RIMS2: variants seen among roughly 807,000 people sequenced by gnomAD.
The protein encoded by RIMS2 is regulating synaptic membrane exocytosis 2.
A neutral mutation model predicts 174.4 loss-of-function variants in RIMS2; 59 were observed. The observed-to-expected ratio is 0.34, with a 90% CI of 0.27 to 0.42. The LOEUF is 0.42. RIMS2 is among the 10% of genes least tolerant of loss of function. RIMS2 has a pLI of 1.00. For synonymous variants in RIMS2, 606 were observed against 572.5 expected (o/e 1.06, Z -0.84); for missense variants, 1,620 against 1,666.3 (o/e 0.97, Z 0.48).
At chr8:104,116,795 AC>A (rs1480217715) in intron 19 of RIMS2, among the ~76,000 whole-genome samples, 2 of 152,180 alleles carry the variant, frequency 1.3e-5, no homozygotes, top group African/African-American at 2.4e-5. Flanking sequence ...CTTTAAAAAA[AC>A]ATATTTCTTT....
chr8:103,768,652 A>G (rs766806144), intron 3 of RIMS2: 14 of 847,258 alleles, frequency 1.7e-5, no homozygotes, highest in Non-Finnish European at 2.9e-5. Context: ...TCCAGGATTG[A>G]CTGATACTAC....
chr8:104,049,208 G>T (rs1262192512), intron 19 of RIMS2, among the ~76,000 whole-genome samples: 1 of 151,324 alleles, frequency 6.6e-6, no homozygotes, highest in Admixed American at 6.6e-5. Context: ...GGATCACGAG[G>T]TCAGGAGATC....
chr8:103,786,570 G>C (rs551496838), intron 3 of RIMS2, among the ~76,000 whole-genome samples: 137 of 152,310 alleles, frequency 9.0e-4, no homozygotes, highest in African/African-American at 3.2e-3. Flanking sequence ...TTTTCATGTA[G>C]TTGAGCGGTT....
At chr8:103,577,946 A>G (rs2093361173) in intron 1 of RIMS2, among the ~76,000 whole-genome samples, 1 of 152,204 alleles carries the variant, frequency 6.6e-6, no homozygotes, top group South Asian at 2.1e-4. Context: ...GAAAAAATTT[A>G]AAAGGAATGA....
intron 3 of RIMS2, among the ~76,000 whole-genome samples, chr8:103,767,131 C>T (rs1293755931): frequency 6.6e-6 from 1 of 151,598 alleles, no homozygotes; most frequent in Non-Finnish European, 1.5e-5. Flanking sequence ...ACATAGGGCT[C>T]TTATATTTAC....
At chr8:103,971,828 C>T (rs1043639723) in intron 15 of RIMS2, among the ~76,000 whole-genome samples, 6 of 152,222 alleles carry the variant, frequency 3.9e-5, no homozygotes, top group African/African-American at 1.4e-4. Flanking sequence ...ACCTTGGCCT[C>T]CCAAAGTGCT....
chr8:103,990,654 T>C (rs2094622537), intron 17 of RIMS2, among the ~76,000 whole-genome samples: 1 of 152,014 alleles, frequency 6.6e-6, no homozygotes, highest in African/African-American at 2.4e-5. Flanking sequence ...AATGAAGAGG[T>C]ATTTTAGTTG....
At chr8:103,973,125 T>C (rs780979904) in intron 15 of RIMS2, among the ~76,000 whole-genome samples, 1 of 152,218 alleles carries the variant, frequency 6.6e-6, no homozygotes, top group Admixed American at 6.5e-5. Flanking sequence ...TGTATACTGC[T>C]ATCAGCTTCA....
intron 3 of RIMS2, among the ~76,000 whole-genome samples, chr8:103,845,173 A>AT (rs1198692605): frequency 6.6e-6 from 1 of 152,076 alleles, no homozygotes; most frequent in Non-Finnish European, 1.5e-5. Context: ...GAATAGTCAA[A>AT]GATCCTTTTT....
chr8:103,676,091 T>C (rs2096806262), intron 1 of RIMS2, among the ~76,000 whole-genome samples: 1 of 152,156 alleles, frequency 6.6e-6, no homozygotes, highest in South Asian at 2.1e-4. Flanking sequence ...TAAGACAAGA[T>C]GGCCAGAAAA....
At chr8:104,198,987 A>C (rs979494139) in intron 19 of RIMS2, among the ~76,000 whole-genome samples, 1 of 152,238 alleles carries the variant, frequency 6.6e-6, no homozygotes, top group Admixed American at 6.5e-5. Context: ...TTGGACAAAG[A>C]ATAGTAAACT....
At chr8:104,019,937 CT>C (rs1379978307) in intron 19 of RIMS2, among the ~76,000 whole-genome samples, 1 of 152,022 alleles carries the variant, frequency 6.6e-6, no homozygotes, top group Non-Finnish European at 1.5e-5. Context: ...GTTAATATCA[CT>C]TTTATTTATT....
chr8:103,696,966 ATTCT>A, intron 1 of RIMS2, 116 bp from the exon 4 acceptor site: 1 of 626,638 alleles, frequency 1.6e-6, no homozygotes. Context: ...TTAAATTTTC[ATTCT>A]TTTTATTCTC....
intron 3 of RIMS2, among the ~76,000 whole-genome samples, chr8:103,863,141 C>T (rs762160505): frequency 4.6e-5 from 7 of 151,990 alleles, no homozygotes; most frequent in African/African-American, 9.7e-5. Flanking sequence ...TATGTTTCTT[C>T]GATGCCTAGT....
At chr8:104,095,859 C>T (rs2097754028) in intron 19 of RIMS2, among the ~76,000 whole-genome samples, 1 of 152,108 alleles carries the variant, frequency 6.6e-6, no homozygotes, top group African/African-American at 2.4e-5. Context: ...CGGGATAGAA[C>T]TCTACCCATT....
At position 103,892,966 on chromosome 8, in the gene RIMS2, A is replaced by T. The variant is rs116302665; in HGVS notation, c.1624+6743A>T. Among the ~76,000 whole-genome samples the T allele has an allele frequency of 7.4e-3, 1,126 of 151,946 alleles. 24 individuals carry two copies. Among genetic ancestry groups the T allele is most frequent in the African/African-American group, 0.026 (1,062 of 41,502 alleles). On this transcript the variant is annotated intron_variant, in intron 4 of 23. Coordinates refer to ENST00000504942, the Ensembl canonical transcript of RIMS2. ...TTTGTGGAGGATATATTATTATTAT[A>T]TTATTATTATTAATTGATGAGAGAC...
chr8:104,037,075 C>T (rs2096533025), intron 19 of RIMS2, among the ~76,000 whole-genome samples: 2 of 152,058 alleles, frequency 1.3e-5, no homozygotes, highest in African/African-American at 4.8e-5. Context: ...TAGTTCACAT[C>T]ATTTGGATTG....
rs930435886 is a variant in RIMS2 at position 104,198,333 on chromosome 8, C to A, written c.3335-46583C>A. ...GATGCAAGCCTGAGAACTTGTGCCC[C>A]TGTTATGGTGAAGACCAGAGAGAAT... On this transcript the variant is annotated intron_variant, in intron 19 of 23. Coordinates refer to ENST00000504942, the Ensembl canonical transcript of RIMS2. Among the ~76,000 whole-genome samples, 6 of 152,328 alleles carry A rather than the reference C, an allele frequency of 3.9e-5. No individual in the cohort carries two copies. The South Asian group carries it at 6.2e-4, about 16-fold the overall frequency.
At chr8:103,919,370 A>G (rs939827106) in intron 9 of RIMS2, among the ~76,000 whole-genome samples, 2 of 152,140 alleles carry the variant, frequency 1.3e-5, no homozygotes, top group Non-Finnish European at 2.9e-5. Flanking sequence ...GAAGAATGGT[A>G]TGAATGAGGA....
Sources: allele counts gnomAD v4.1 joint callset (sites outside exome capture counted in the v4.1 genomes callset), GRCh38; gene constraint gnomAD v4.1.1; transcripts MANE v1.5; gene names NCBI Gene and HGNC (gene_info 2026-07-23, HGNC 2026-07-21).